Variants in YIPF4 observed in about 807,000 individuals in gnomAD.
The protein encoded by YIPF4 is Yip1 domain family member 4, also known as protein YIPF4.
YIPF4 carries 18 observed loss-of-function variants against 29.4 expected under a neutral mutation model. The ratio of observed to expected loss-of-function variants is 0.61; its 90% CI spans 0.42 to 0.91. The LOEUF (loss-of-function observed/expected upper bound fraction) is 0.91, where lower values mean the gene tolerates loss of function less well. YIPF4 is among the 40% of genes least tolerant of loss of function. YIPF4 has a pLI of 0.00. For missense variants in YIPF4, 279 were observed against 282.7 expected (o/e 0.99, Z 0.09); for synonymous variants, 115 against 104.7 (o/e 1.10, Z -0.60).
intron 3 of YIPF4, among the ~76,000 whole-genome samples, chr2:32,294,436 G>A (rs905683868): frequency 1.3e-5 from 2 of 151,708 alleles, no homozygotes; most frequent in African/African-American, 2.4e-5. Context: ...ACGGGGCGGC[G>A]GGGCAAAGGC....
chr2:32,295,977 C>T (rs1206587203), intron 3 of YIPF4, among the ~76,000 whole-genome samples: 4 of 152,172 alleles, frequency 2.6e-5, no homozygotes, highest in African/African-American at 9.7e-5. Flanking sequence ...ATCTCTCCAT[C>T]ACAAGATACT....
Position 32,278,980 on chromosome 2 carries a change from AT to A in YIPF4, c.79+759del, listed in dbSNP as rs61561911. 6.4e-3 allele frequency among the ~76,000 whole-genome samples: 934 copies of A among 146,690 alleles called. 11 individuals are homozygous for A. Among genetic ancestry groups the A allele is most frequent in the African/African-American group, 0.015 (603 of 39,990 alleles). On this transcript the variant is annotated intron_variant, in intron 1 of 5. Coordinates refer to ENST00000238831, the MANE Select transcript of YIPF4 (RefSeq NM_032312.4). ...GATATTATTCTGCTAGTCATTTTCA[AT>A]TTTTTTTTTTTTCTTGAGCTCTGTC...
intron 4 of YIPF4, among the ~76,000 whole-genome samples, chr2:32,300,898 A>G (rs1234387587): frequency 1.3e-5 from 2 of 152,244 alleles, no homozygotes; most frequent in Admixed American, 6.5e-5. Context: ...GTGAAGCCCT[A>G]TCACAGAACT....
intron 5 of YIPF4, among the ~76,000 whole-genome samples, chr2:32,303,384 A>G (rs2031470475): frequency 6.6e-6 from 1 of 152,194 alleles, no homozygotes; most frequent in South Asian, 2.1e-4. Flanking sequence ...CTTGGCACAG[A>G]GTAGGCACTC....
At chr2:32,305,404 T>C (rs1558482682) in intron 5 of YIPF4, 85 bp from the exon 6 acceptor site, 1 of 1,361,256 alleles carries the variant, frequency 7.3e-7, no homozygotes, top group Non-Finnish European at 9.5e-7. Flanking sequence ...AAAAATATTG[T>C]AAACACCATT....
rs1043207399 is a variant in YIPF4, at chr2:32,309,374, A to T, written c.*3748A>T. 1.3e-5 allele frequency: 2 copies of T among 152,202 alleles called. No homozygotes were observed. Among genetic ancestry groups the T allele is most frequent in the African/African-American group, 2.4e-5 (1 of 41,448 alleles). The allele number at this position is 152,202 out of a possible 1,614,324, so 9.4% of individuals were successfully genotyped here. On this transcript the variant is annotated 3_prime_UTR_variant, in exon 6 of 6. Coordinates refer to ENST00000238831, the MANE Select transcript of YIPF4 (RefSeq NM_032312.4). ...CTGCACATATTCCAAAATCTGAAAA[A>T]GTCTGAAACCTGAGAAACTCTGGTC...
chr2:32,292,088 C>G, intron 2 of YIPF4, 89 bp from the exon 3 acceptor site: 1 of 856,172 alleles, frequency 1.2e-6, no homozygotes, highest in Non-Finnish European at 1.7e-6. Context: ...TTATAACTGT[C>G]TTATTTAAAG....
At chr2:32,298,119 C>CT in intron 3 of YIPF4, 115 bp from the exon 4 acceptor site, 1 of 749,298 alleles carries the variant, frequency 1.3e-6, no homozygotes, top group Non-Finnish European at 2.3e-6. Flanking sequence ...CATAATCTCT[C>CT]TATGACCTGA....
At chr2:32,282,728 C>T (rs148579764) in intron 1 of YIPF4, among the ~76,000 whole-genome samples, 302 of 152,102 alleles carry the variant, frequency 2.0e-3, no homozygotes, top group Middle Eastern at 6.8e-3. Context: ...CACTGTGCCC[C>T]GCCAACTTAC....
At chr2:32,293,723 A>AT (rs2031024394) in intron 3 of YIPF4, among the ~76,000 whole-genome samples, 2 of 142,620 alleles carry the variant, frequency 1.4e-5, no homozygotes, top group South Asian at 2.2e-4. Flanking sequence ...CGGGGGGCTG[A>AT]CCCCCCAACC....
rs565803318 is a variant in YIPF4, at chr2:32,277,909, T to G, written c.-247T>G. The G allele has an allele frequency of 2.0e-5, 10 of 498,572 alleles. No individual in the cohort carries two copies. Among genetic ancestry groups the G allele is most frequent in the Non-Finnish European group, 3.5e-5 (10 of 283,288 alleles). 30.9% of individuals were successfully genotyped at this position (498,572 alleles called of 1,614,324 possible). A position where few individuals can be genotyped will look rare whatever the true frequency, so the allele number is the denominator to read the frequency against. Reference sequence around the variant, plus strand: ...GAGCCAATCCCAGCGCCGCTGTCACTGTTATGGTCCTGTCAGGGTGCCGGC... The same window carrying G: ...GAGCCAATCCCAGCGCCGCTGTCACGGTTATGGTCCTGTCAGGGTGCCGGC... On this transcript the variant is annotated 5_prime_UTR_variant, in exon 1 of 6. Coordinates refer to ENST00000238831, the MANE Select transcript of YIPF4 (RefSeq NM_032312.4).
intron 1 of YIPF4, among the ~76,000 whole-genome samples, chr2:32,283,772 C>A (rs1199923726): frequency 6.6e-6 from 1 of 150,994 alleles, no homozygotes; most frequent in Non-Finnish European, 1.5e-5. Flanking sequence ...GGCTGGAGTG[C>A]AATGGCGCAA....
At chr2:32,302,914 T>C (rs1451833574) in intron 5 of YIPF4, among the ~76,000 whole-genome samples, 2 of 152,150 alleles carry the variant, frequency 1.3e-5, no homozygotes, top group African/African-American at 4.8e-5. Context: ...GAATCGAAAA[T>C]GTGTGGTTTT....
chr2:32,294,848 C>A (rs1442030226), intron 3 of YIPF4, among the ~76,000 whole-genome samples: 1 of 152,226 alleles, frequency 6.6e-6, no homozygotes, highest in African/African-American at 2.4e-5. Flanking sequence ...GCGGATCACT[C>A]GTGGTTAGGA....
At chr2:32,302,925 T>C (rs2031454826) in intron 5 of YIPF4, among the ~76,000 whole-genome samples, 1 of 152,248 alleles carries the variant, frequency 6.6e-6, no homozygotes. Flanking sequence ...GTGTGGTTTT[T>C]GGAACTAATC....
Position 32,309,140 on chromosome 2 carries a change from A to C in YIPF4, c.*3514A>C, listed in dbSNP as rs1013000254. On this transcript the variant is annotated 3_prime_UTR_variant, in exon 6 of 6. Transcript: ENST00000238831. ...GAACCATTGTAAAACCTTATTTCTA[A>C]GGTCTGTAAGACAGTTTTATATGTA... The C allele has an allele frequency of 6.6e-6, 1 of 152,176 alleles. No individual in the cohort carries two copies. The highest frequency in any genetic ancestry group is 6.6e-5 in the Admixed American group (1 of 15,266). 9.4% of individuals were successfully genotyped at this position (152,176 alleles called of 1,614,324 possible). A position where few individuals can be genotyped will look rare whatever the true frequency, so the allele number is the denominator to read the frequency against.
intron 1 of YIPF4, among the ~76,000 whole-genome samples, chr2:32,288,433 C>T (rs770020143): frequency 5.9e-5 from 9 of 152,118 alleles, no homozygotes; most frequent in Admixed American, 5.2e-4. Context: ...TGTTAAGGTC[C>T]TTTCCAGCCT....
intron 1 of YIPF4, among the ~76,000 whole-genome samples, chr2:32,281,888 C>CT (rs981772849): frequency 8.3e-6 from 1 of 120,992 alleles, no homozygotes; most frequent in African/African-American, 3.1e-5. Context: ...GGGTGAGACT[C>CT]TGTCTCAAAA....
chr2:32,314,087 T>C lies in YIPF4; in HGVS notation c.*8461T>C, dbSNP rs896246882. 4 of 152,198 alleles carry C rather than the reference T, an allele frequency of 2.6e-5. No individual in the cohort carries two copies. The highest frequency in any genetic ancestry group is 6.5e-5 in the Admixed American group (1 of 15,274). 9.4% of individuals were successfully genotyped at this position (152,198 alleles called of 1,614,324 possible). A position where few individuals can be genotyped will look rare whatever the true frequency, so the allele number is the denominator to read the frequency against. Reference sequence around the variant, plus strand: ...GCATGTACATGTACCATAAGAGACATATGTACAAGAATGTGCACAGTTAAC... The same window carrying C: ...GCATGTACATGTACCATAAGAGACACATGTACAAGAATGTGCACAGTTAAC... On this transcript the variant is annotated 3_prime_UTR_variant, in exon 6 of 6. Transcript: ENST00000238831.
Sources: allele counts gnomAD v4.1 joint callset (sites outside exome capture counted in the v4.1 genomes callset), GRCh38; gene constraint gnomAD v4.1.1; transcripts MANE v1.5; gene names NCBI Gene and HGNC (gene_info 2026-07-23, HGNC 2026-07-21).